DTNBP1: variants seen among roughly 807,000 people sequenced by gnomAD.
DTNBP1 encodes dysbindin.
A neutral mutation model predicts 42.8 loss-of-function variants in DTNBP1; 35 were observed. The ratio of observed to expected loss-of-function variants is 0.82; its 90% CI spans 0.63 to 1.09. The LOEUF is 1.09. Ranked by LOEUF, DTNBP1 falls within the 50% of genes least tolerant of loss-of-function variation. The pLI is 0.00. For missense variants in DTNBP1, 457 were observed against 424.2 expected (o/e 1.08, Z -0.68); for synonymous variants, 171 against 162.2 (o/e 1.05, Z -0.41).
chr6:15,662,104 G>A (rs1761669804), intron 1 of DTNBP1, among the ~76,000 whole-genome samples: 1 of 152,222 alleles, frequency 6.6e-6, no homozygotes, highest in African/African-American at 2.4e-5. Flanking sequence ...GTGAGACCTG[G>A]GCATCAGAAC....
intron 6 of DTNBP1, among the ~76,000 whole-genome samples, chr6:15,601,542 A>T (rs1776727358): frequency 6.6e-6 from 1 of 152,146 alleles, no homozygotes; most frequent in Non-Finnish European, 1.5e-5. Context: ...CTCAAAAGTA[A>T]CGTGTTATTT....
intron 2 of DTNBP1, 61 bp from the exon 3 acceptor site, chr6:15,651,424 A>T: frequency 6.5e-7 from 1 of 1,548,732 alleles, no homozygotes; most frequent in South Asian, 1.2e-5. Flanking sequence ...AAAAAAAAAA[A>T]GGTACATACA....
intron 6 of DTNBP1, among the ~76,000 whole-genome samples, chr6:15,600,757 T>C (rs1581379389): frequency 6.6e-6 from 1 of 152,130 alleles, no homozygotes. Flanking sequence ...ACTCCCATAT[T>C]TGTGGCCTGG....
intron 6 of DTNBP1, among the ~76,000 whole-genome samples, chr6:15,612,188 G>A (rs1266213756): frequency 6.6e-6 from 1 of 152,082 alleles, no homozygotes; most frequent in Non-Finnish European, 1.5e-5. Flanking sequence ...TACCATAGAG[G>A]CAAGACTCTC....
chr6:15,634,477 A>G (rs1006608367), intron 4 of DTNBP1, among the ~76,000 whole-genome samples: 10 of 151,968 alleles, frequency 6.6e-5, no homozygotes, highest in Admixed American at 3.9e-4. Flanking sequence ...CCACCACACC[A>G]GGCTAATTTT....
At chr6:15,523,499 GC>G in intron 9 of DTNBP1, 1 of 1,280,294 alleles carries the variant, frequency 7.8e-7, no homozygotes, top group South Asian at 1.5e-5. Flanking sequence ...TGTAATAGAG[GC>G]CCAAAGGCAA....
At chr6:15,653,342 T>C (rs1423281035) in intron 1 of DTNBP1, among the ~76,000 whole-genome samples, 1 of 152,174 alleles carries the variant, frequency 6.6e-6, no homozygotes, top group African/African-American at 2.4e-5. Flanking sequence ...GAAACCAATC[T>C]ATGGTAGTTT....
chr6:15,637,520 A>C (rs149164148), intron 4 of DTNBP1, among the ~76,000 whole-genome samples: 1 of 152,354 alleles, frequency 6.6e-6, no homozygotes, highest in African/African-American at 2.4e-5. Flanking sequence ...TGTCCTTAGA[A>C]TAAAAGTTAT....
chr6:15,661,959 T>C (rs1761660243), intron 1 of DTNBP1, among the ~76,000 whole-genome samples: 1 of 152,140 alleles, frequency 6.6e-6, no homozygotes, highest in Admixed American at 6.5e-5. Flanking sequence ...ACGTTTGATT[T>C]AGTGGTCGAG....
chr6:15,579,102 T>C (rs752254344), intron 7 of DTNBP1, among the ~76,000 whole-genome samples: 27 of 152,260 alleles, frequency 1.8e-4, no homozygotes, highest in Non-Finnish European at 2.9e-4. Flanking sequence ...ACTCTCATGT[T>C]TCTTGCAGCA....
chr6:15,540,694 T>G (rs541007690), intron 7 of DTNBP1, among the ~76,000 whole-genome samples: 1 of 152,242 alleles, frequency 6.6e-6, no homozygotes, highest in East Asian at 1.9e-4. Flanking sequence ...CAGGCTGGAG[T>G]GCAGTGGCGC....
chr6:15,528,963 T>TA (rs1250865720), intron 8 of DTNBP1, among the ~76,000 whole-genome samples: 1 of 152,128 alleles, frequency 6.6e-6, no homozygotes. Context: ...AAGCAACTCT[T>TA]ACGTATATGT....
intron 7 of DTNBP1, among the ~76,000 whole-genome samples, chr6:15,562,633 A>C (rs1774894481): frequency 6.6e-6 from 1 of 152,218 alleles, no homozygotes; most frequent in African/African-American, 2.4e-5. Context: ...TCTGGTAAGG[A>C]AAACTCAATG....
chr6:15,585,317 C>T (rs1776032035), intron 7 of DTNBP1, among the ~76,000 whole-genome samples: 1 of 150,984 alleles, frequency 6.6e-6, no homozygotes, highest in South Asian at 2.1e-4. Flanking sequence ...GGAGCTGTAC[C>T]AGCCTCATTA....
intron 7 of DTNBP1, among the ~76,000 whole-genome samples, chr6:15,591,749 T>A (rs1220855262): frequency 3.3e-5 from 5 of 152,230 alleles, no homozygotes; most frequent in Admixed American, 3.3e-4. Context: ...ACATTTTACA[T>A]AATCTGTGTC....
In DTNBP1 at chr6:15,567,562, T is replaced by C. The variant is rs183600150; in HGVS notation, c.511+25497A>G. On this transcript the variant is annotated intron_variant, in intron 7 of 9. Coordinates refer to ENST00000344537, the MANE Select transcript of DTNBP1 (RefSeq NM_032122.5). ...TTTAGATGATAACTCCTTCAACCAA[T>C]TGCCAACCAGAAAATCGTACAATTC... Among the ~76,000 whole-genome samples, 17 of 152,280 alleles carry C rather than the reference T, an allele frequency of 1.1e-4. No homozygotes were observed. In the East Asian group the frequency reaches 1.2e-3, roughly 10 times the overall value.
intron 7 of DTNBP1, among the ~76,000 whole-genome samples, chr6:15,545,097 A>C (rs978719547): frequency 1.3e-5 from 2 of 152,162 alleles, no homozygotes; most frequent in African/African-American, 4.8e-5. Context: ...TAAGGTATAC[A>C]CAACAATTTT....
At chr6:15,602,941 A>G (rs972446176) in intron 6 of DTNBP1, among the ~76,000 whole-genome samples, 8 of 151,998 alleles carry the variant, frequency 5.3e-5, no homozygotes, top group Non-Finnish European at 1.0e-4. Flanking sequence ...AAAATGGCAA[A>G]CAGATACTCA....
At chr6:15,656,715 T>C (rs543700133) in intron 1 of DTNBP1, among the ~76,000 whole-genome samples, 1 of 152,096 alleles carries the variant, frequency 6.6e-6, no homozygotes, top group African/African-American at 2.4e-5. Flanking sequence ...ACCACAGCAC[T>C]GCAGCCTGGG....
Sources: allele counts gnomAD v4.1 joint callset (sites outside exome capture counted in the v4.1 genomes callset), GRCh38; gene constraint gnomAD v4.1.1; transcripts MANE v1.5; gene names NCBI Gene and HGNC (gene_info 2026-07-23, HGNC 2026-07-21).